XKR4: variants seen among roughly 807,000 people sequenced by gnomAD.
XKR4 encodes XK-related protein 4.
XKR4 carries 12 observed loss-of-function variants against 53.9 expected under a neutral mutation model. The ratio of observed to expected loss-of-function variants is 0.22; its 90% CI spans 0.14 to 0.36. The LOEUF (loss-of-function observed/expected upper bound fraction) is 0.36, where lower values mean the gene tolerates loss of function less well. Ranked by LOEUF, XKR4 falls within the 10% of genes least tolerant of loss-of-function variation. XKR4 has a pLI of 1.00. For missense variants in XKR4, 799 were observed against 859.5 expected, an observed-to-expected ratio of 0.93 and a Z score of 0.88; for synonymous variants, 354 against 362.4, an observed-to-expected ratio of 0.98 and a Z score of 0.26.
At chr8:55,175,153 G>T (rs117501425) in intron 1 of XKR4, among the ~76,000 whole-genome samples, 1 of 152,166 alleles carries the variant, frequency 6.6e-6, no homozygotes, top group Non-Finnish European at 1.5e-5. Flanking sequence ...CATCATTCAC[G>T]TGAGATTTGT....
At chr8:55,179,321 T>C (rs1817277634) in intron 1 of XKR4, among the ~76,000 whole-genome samples, 1 of 152,158 alleles carries the variant, frequency 6.6e-6, no homozygotes, top group Non-Finnish European at 1.5e-5. Flanking sequence ...TCATCCTGCA[T>C]TGAGTGAGTG....
chr8:55,409,739 C>T (rs531215678), intron 2 of XKR4, among the ~76,000 whole-genome samples: 1 of 152,084 alleles, frequency 6.6e-6, no homozygotes, highest in South Asian at 2.1e-4. Flanking sequence ...ATGGCATAAA[C>T]ACTGAAAATA....
chr8:55,195,583 A>G (rs1817494996), intron 1 of XKR4, among the ~76,000 whole-genome samples: 2 of 152,170 alleles, frequency 1.3e-5, no homozygotes, highest in Admixed American at 6.6e-5. Context: ...AACCGTTTAC[A>G]TATTTTTAAA....
Position 55,271,318 on chromosome 8 carries a change from G to A in XKR4, c.807-86360G>A, listed in dbSNP as rs1262564247. Among the ~76,000 whole-genome samples, 3 of 152,200 alleles carry A rather than the reference G, an allele frequency of 2.0e-5. 1 individual carries two copies. The highest frequency in any genetic ancestry group is 4.4e-5 in the Non-Finnish European group (3 of 68,042). On this transcript the variant is annotated intron_variant, in intron 1 of 2. Coordinates refer to ENST00000327381, the MANE Select transcript of XKR4 (RefSeq NM_052898.2). The stretch of plus-strand genomic sequence containing the variant: ...TAAGCTAAAAAGAATGAGAAAGGCA[G>A]AAAGCAGAGTGGCTATTACTAAATA...
intron 1 of XKR4, among the ~76,000 whole-genome samples, chr8:55,208,656 G>T (rs1009146452): frequency 6.6e-6 from 1 of 151,770 alleles, no homozygotes; most frequent in African/African-American, 2.4e-5. Context: ...TAGTAGAGAC[G>T]GGATTTCACC....
rs763645006 is a variant in XKR4, at chr8:55,357,869, C to T, written c.998C>T (p.Ala333Val). The change falls in exon 2 of 3, where the codon GCC becomes GTC. Residue 333 changes from alanine (A) to valine (V), a missense_variant. Transcript: ENST00000327381. The part of the protein sequence containing the change: ...CIIVQTHSLQ[A>V]LQGFTAAASL... ...ATCGTACAGACTCATAGCTTACAGG[C>T]CCTCCAAGGTAAGGGCTTGCAATTT... is the stretch of plus-strand genomic sequence containing the variant. 6.2e-7 allele frequency: 1 copy of T among 1,611,584 alleles called. No individual in the cohort carries two copies. Among genetic ancestry groups the T allele is most frequent in the Non-Finnish European group, 8.5e-7 (1 of 1,177,958 alleles).
chr8:55,408,310 G>A (rs1279258775), intron 2 of XKR4, among the ~76,000 whole-genome samples: 1 of 152,158 alleles, frequency 6.6e-6, no homozygotes, highest in Non-Finnish European at 1.5e-5. Context: ...CCCAGAGTTT[G>A]CCCAAATTTA....
At chr8:55,248,174 C>T (rs948776291) in intron 1 of XKR4, among the ~76,000 whole-genome samples, 11 of 152,186 alleles carry the variant, frequency 7.2e-5, no homozygotes, top group African/African-American at 2.6e-4. Context: ...TTATTCACCC[C>T]CACCAAAGAT....
intron 1 of XKR4, among the ~76,000 whole-genome samples, chr8:55,330,409 G>T (rs551044273): frequency 6.6e-5 from 10 of 152,152 alleles, no homozygotes; most frequent in Admixed American, 2.0e-4. Context: ...ATGCCCAGAA[G>T]GGAGTAATAT....
At chr8:55,434,488 T>G (rs1197578851) in intron 2 of XKR4, among the ~76,000 whole-genome samples, 1 of 151,912 alleles carries the variant, frequency 6.6e-6, no homozygotes, top group East Asian at 1.9e-4. Flanking sequence ...GTTAATTGGA[T>G]AAAATCCAAT....
chr8:55,226,834 C>A (rs556762296), intron 1 of XKR4, among the ~76,000 whole-genome samples: 1 of 152,190 alleles, frequency 6.6e-6, no homozygotes, highest in African/African-American at 2.4e-5. Context: ...TCCTCAAACA[C>A]GAGTCTTATC....
At chr8:55,164,277 C>T (rs1169894415) in intron 1 of XKR4, 2 of 455,996 alleles carry the variant, frequency 4.4e-6, no homozygotes, top group Admixed American at 4.7e-5. Flanking sequence ...TTGCCTGACC[C>T]TCGTCCATTC....
At chr8:55,510,872 G>A (rs950807039) in intron 2 of XKR4, among the ~76,000 whole-genome samples, 1 of 152,216 alleles carries the variant, frequency 6.6e-6, no homozygotes, top group East Asian at 1.9e-4. Context: ...CGTGCCCTGC[G>A]ATGAGAAGGG....
chr8:55,514,044 T>C (rs906930131), intron 2 of XKR4, among the ~76,000 whole-genome samples: 2 of 152,138 alleles, frequency 1.3e-5, no homozygotes, highest in Non-Finnish European at 2.9e-5. Flanking sequence ...CAGAGACCCA[T>C]ATGGCTGACA....
At chr8:55,125,007 A>T (rs1816443603) in intron 1 of XKR4, among the ~76,000 whole-genome samples, 1 of 152,254 alleles carries the variant, frequency 6.6e-6, no homozygotes, top group South Asian at 2.1e-4. Context: ...TAGGCAGCCA[A>T]TTGTGGCAAC....
At chr8:55,157,286 A>T (rs1370662767) in intron 1 of XKR4, among the ~76,000 whole-genome samples, 2 of 152,216 alleles carry the variant, frequency 1.3e-5, no homozygotes, top group African/African-American at 2.4e-5. Flanking sequence ...TTATTGTAAA[A>T]TTGGAATAAT....
intron 2 of XKR4, among the ~76,000 whole-genome samples, chr8:55,471,314 A>C (rs1442723939): frequency 6.6e-6 from 1 of 152,134 alleles, no homozygotes; most frequent in Non-Finnish European, 1.5e-5. Flanking sequence ...GGAAAGGATT[A>C]GAGACAAAAT....
intron 1 of XKR4, among the ~76,000 whole-genome samples, chr8:55,224,588 A>T (rs569673543): frequency 2.0e-5 from 3 of 152,312 alleles, no homozygotes; most frequent in African/African-American, 7.2e-5. Flanking sequence ...ATGGAACTTT[A>T]ATTTCATGAG....
At chr8:55,412,971 A>G (rs972547967) in intron 2 of XKR4, among the ~76,000 whole-genome samples, 1 of 152,230 alleles carries the variant, frequency 6.6e-6, no homozygotes, top group Non-Finnish European at 1.5e-5. Flanking sequence ...AACGATCCTC[A>G]TGTTTAAGTC....
Sources: allele counts gnomAD v4.1 joint callset (sites outside exome capture counted in the v4.1 genomes callset), GRCh38; gene constraint gnomAD v4.1.1; transcripts MANE v1.5; gene names NCBI Gene and HGNC (gene_info 2026-07-23, HGNC 2026-07-21).